The following ARNT2 variants were observed in gnomAD, a reference collection of about 807,000 sequenced individuals.
ARNT2 encodes ARNT protein 2.
In ARNT2, 36 loss-of-function variants were observed where a neutral mutation model predicts 91.7. That is an observed-to-expected ratio of 0.39 (90% CI 0.30 to 0.52). The LOEUF (loss-of-function observed/expected upper bound fraction) is 0.52. Ranked by LOEUF, ARNT2 falls within the 20% of genes least tolerant of loss-of-function variation. ARNT2 has a pLI of 0.72. For missense variants in ARNT2, 775 were observed against 939.3 expected, an observed-to-expected ratio of 0.83 and a Z score of 2.29; for synonymous variants, 365 against 347.1, an observed-to-expected ratio of 1.05 and a Z score of -0.57.
intron 8 of ARNT2, among the ~76,000 whole-genome samples, chr15:80,519,859 T>A (rs569484954): frequency 8.0e-6 from 1 of 125,192 alleles, no homozygotes; most frequent in African/African-American, 3.5e-5. Context: ...TAATTTTTTG[T>A]ATTTTTTTTT....
chr15:80,511,119 A>G (rs1429443913), intron 6 of ARNT2, among the ~76,000 whole-genome samples: 1 of 152,206 alleles, frequency 6.6e-6, no homozygotes, highest in Non-Finnish European at 1.5e-5. Context: ...AAGACATGGA[A>G]TCAACCTAAA....
chr15:80,521,537 G>A lies in ARNT2; in HGVS notation c.877+7132G>A, dbSNP rs527407239. Among the ~76,000 whole-genome samples, 107 of 152,196 alleles carry A rather than the reference G, an allele frequency of 7.0e-4. No homozygotes were observed. In the South Asian group the frequency reaches 7.5e-3, roughly 11 times the overall value. ...TTTATAAAAGGTACATAAGGAGAAAGCAGCTATAGCAATAATAATTGTTAC... is the reference window on the plus strand; with the variant it reads ...TTTATAAAAGGTACATAAGGAGAAAACAGCTATAGCAATAATAATTGTTAC... On this transcript the variant is annotated intron_variant, in intron 8 of 18. Transcript: ENST00000303329.
chr15:80,464,586 G>A (rs1233172884), intron 3 of ARNT2, among the ~76,000 whole-genome samples: 2 of 152,166 alleles, frequency 1.3e-5, no homozygotes, highest in African/African-American at 2.4e-5. Context: ...TGGGGAGCAG[G>A]ATGCCTACCT....
At chr15:80,522,820 G>GTGTGTATATA (rs548555538) in intron 8 of ARNT2, among the ~76,000 whole-genome samples, 16 of 135,702 alleles carry the variant, frequency 1.2e-4, no homozygotes, top group Non-Finnish European at 2.2e-4. Flanking sequence ...GTGTGTGTGT[G>GTGTGTATATA]TATATATATA....
intron 11 of ARNT2, among the ~76,000 whole-genome samples, chr15:80,561,535 C>T (rs1898351449): frequency 6.6e-6 from 1 of 152,186 alleles, no homozygotes; most frequent in Non-Finnish European, 1.5e-5. Flanking sequence ...ACAGCAGTCC[C>T]CCTTATCTGC....
intron 1 of ARNT2, among the ~76,000 whole-genome samples, chr15:80,432,703 C>G (rs1005645091): frequency 3.9e-5 from 6 of 152,104 alleles, no homozygotes; most frequent in Non-Finnish European, 7.4e-5. Flanking sequence ...CTCTGAGAGA[C>G]ACAACAATGT....
chr15:80,491,014 A>G (rs1375371984), intron 5 of ARNT2, among the ~76,000 whole-genome samples: 1 of 152,182 alleles, frequency 6.6e-6, no homozygotes, highest in Non-Finnish European at 1.5e-5. Context: ...GGAAATGACT[A>G]TAAAGCTGAA....
At chr15:80,406,007 G>A (rs1214485223) in intron 1 of ARNT2, among the ~76,000 whole-genome samples, 1 of 152,186 alleles carries the variant, frequency 6.6e-6, no homozygotes. Context: ...AACATTCTAA[G>A]GAGGGAACAA....
intron 1 of ARNT2, 150 bp from the exon 2 acceptor site, chr15:80,450,730 C>A: frequency 1.3e-6 from 1 of 760,086 alleles, no homozygotes; most frequent in South Asian, 1.5e-5. Flanking sequence ...CTTGCCCCAG[C>A]CACATAGCTG....
chr15:80,426,805 ACT>A (rs1349011218), intron 1 of ARNT2, among the ~76,000 whole-genome samples: 1 of 151,868 alleles, frequency 6.6e-6, no homozygotes, highest in Non-Finnish European at 1.5e-5. Flanking sequence ...TTATCTTCTC[ACT>A]CTTCAGAGGC....
intron 8 of ARNT2, among the ~76,000 whole-genome samples, chr15:80,521,837 A>T (rs1292764946): frequency 1.3e-5 from 2 of 152,128 alleles, no homozygotes; most frequent in East Asian, 3.9e-4. Flanking sequence ...TTAATAATGG[A>T]TTCTGGTAGT....
At chr15:80,572,573 G>T (rs1325399208) in intron 12 of ARNT2, among the ~76,000 whole-genome samples, 1 of 151,874 alleles carries the variant, frequency 6.6e-6, no homozygotes, top group Non-Finnish European at 1.5e-5. Context: ...GTGGCCTGTG[G>T]GCAGTTCCTC....
chr15:80,485,829 G>A (rs1896963212), intron 5 of ARNT2, among the ~76,000 whole-genome samples: 1 of 152,224 alleles, frequency 6.6e-6, no homozygotes, highest in African/African-American at 2.4e-5. Context: ...CAGGTTTGGG[G>A]TATTCAAGGT....
chr15:80,508,300 G>T, intron 6 of ARNT2, 42 bp downstream of exon 6: 2 of 1,601,634 alleles, frequency 1.2e-6, no homozygotes, highest in Non-Finnish European at 1.7e-6. Context: ...TGGTTGGTTT[G>T]CTCCTTTTTC....
chr15:80,489,163 C>G (rs1398702653), intron 5 of ARNT2, among the ~76,000 whole-genome samples: 2 of 152,152 alleles, frequency 1.3e-5, no homozygotes, highest in African/African-American at 4.8e-5. Flanking sequence ...TGCAAAAACT[C>G]CAGTGTGATA....
intron 10 of ARNT2, chr15:80,554,777 C>G (rs184854022): frequency 3.3e-6 from 1 of 304,174 alleles, no homozygotes; most frequent in Admixed American, 4.4e-5. Context: ...GTTTGCCTCT[C>G]CAAGACAAAC....
intron 8 of ARNT2, among the ~76,000 whole-genome samples, chr15:80,544,200 T>A (rs1053771759): frequency 2.6e-5 from 4 of 152,254 alleles, no homozygotes; most frequent in African/African-American, 7.2e-5. Context: ...TCTGTGTCAG[T>A]TCTGCGTCAT....
At chr15:80,440,057 G>A (rs1341231675) in intron 1 of ARNT2, among the ~76,000 whole-genome samples, 1 of 152,164 alleles carries the variant, frequency 6.6e-6, no homozygotes, top group East Asian at 1.9e-4. Flanking sequence ...TCAGGTCTTG[G>A]TAGGCCAGAG....
chr15:80,560,090 G>A (rs773135067), intron 11 of ARNT2: 2 of 152,422 alleles, frequency 1.3e-5, no homozygotes, highest in African/African-American at 2.4e-5. Flanking sequence ...TTTCCCTCCA[G>A]GAGCCGTCTT....
Sources: gnomAD v4.1 joint callset for allele counts (sites outside exome capture counted in the v4.1 genomes callset) on GRCh38, gnomAD v4.1.1 for gene constraint, MANE v1.5 for transcripts, NCBI Gene and HGNC (gene_info 2026-07-23, HGNC 2026-07-21) for gene names.